Variants in UTY observed in about 807,000 individuals in gnomAD.
UTY encodes the protein histone demethylase UTY.
In UTY, 12 loss-of-function variants were observed where a neutral mutation model predicts 32.5. The observed-to-expected ratio is 0.37, with a 90% CI of 0.24 to 0.60. The LOEUF is 0.60. Ranked by LOEUF, UTY falls within the 20% of genes least tolerant of loss-of-function variation. UTY has a pLI of 0.69. For synonymous variants in UTY, 131 were observed against 103.4 expected (o/e 1.27, Z -1.62); for missense variants, 303 against 299.2 (o/e 1.01, Z -0.09).
intron 4 of UTY, among the ~76,000 whole-genome samples, chrY:13,433,158 C>T (rs979928408): frequency 2.7e-4 from 9 of 33,167 alleles, no homozygotes; most frequent in South Asian, 2.0e-3. Flanking sequence ...CTCAATGAGA[C>T]GCAAGAGAAA....
At chrY:13,433,384 T>TAATC (rs2074217794) in intron 4 of UTY, among the ~76,000 whole-genome samples, 2 of 32,845 alleles carry the variant, frequency 6.1e-5, no homozygotes, top group East Asian at 7.8e-4. Context: ...GTCTTTGAAA[T>TAATC]AATCAATCAA....
At chrY:13,245,871 T>C (rs2053942018), downstream of UTY, among the ~76,000 whole-genome samples, 1 of 34,107 alleles carries the variant, frequency 2.9e-5, no homozygotes, top group Non-Finnish European at 7.3e-5. Flanking sequence ...TCCAGTTACC[T>C]GTTTACGCAG....
chrY:13,442,371 C>A, intron 4 of UTY, among the ~76,000 whole-genome samples: 1 of 32,733 alleles, frequency 3.1e-5, no homozygotes, highest in East Asian at 8.0e-4. Context: ...ATTCAAGACT[C>A]TCCTTGTAAG....
At chrY:13,305,026 C>T (rs546041032) in intron 24 of UTY, among the ~76,000 whole-genome samples, 98 of 29,709 alleles carry the variant, frequency 3.3e-3, no homozygotes, top group African/African-American at 0.011. Flanking sequence ...AAGCGCATCA[C>T]GTTTTCAGTA....
intron 21 of UTY, among the ~76,000 whole-genome samples, chrY:13,318,565 AC>A (rs2059644839): frequency 3.0e-5 from 1 of 33,392 alleles, no homozygotes; most frequent in Non-Finnish European, 7.4e-5. Context: ...ATATAAAAAA[AC>A]AAAAAACACT....
intron 2 of UTY, among the ~76,000 whole-genome samples, chrY:13,476,787 T>C (rs2079108243): frequency 3.1e-5 from 1 of 32,127 alleles, no homozygotes; most frequent in Non-Finnish European, 7.6e-5. Context: ...AGGAAATCTA[T>C]TGTTACAACC....
intron 21 of UTY, among the ~76,000 whole-genome samples, chrY:13,313,665 T>C: frequency 3.0e-5 from 1 of 33,844 alleles, no homozygotes. Flanking sequence ...TTCCTGGCTT[T>C]TTCCCTGTAC....
At chrY:13,458,538 ATTTTTTGGCTGCATAAATGTCTTC>A in intron 3 of UTY, among the ~76,000 whole-genome samples, 1 of 33,190 alleles carries the variant, frequency 3.0e-5, no homozygotes. Flanking sequence ...TTTTTCATGC[ATTTTTTGGCTGCATAAATGTCTTC>A]TTTTGAGAAG....
chrY:13,395,792 A>G (rs2068092431), intron 7 of UTY, among the ~76,000 whole-genome samples: 1 of 31,863 alleles, frequency 3.1e-5, no homozygotes, highest in Non-Finnish European at 7.6e-5. Context: ...TCCTAATACT[A>G]TCTGAACTTA....
chrY:13,362,180 A>T, intron 10 of UTY, among the ~76,000 whole-genome samples: 1 of 33,646 alleles, frequency 3.0e-5, no homozygotes, highest in African/African-American at 1.2e-4. Context: ...CAGTCACCAA[A>T]AACTTTCCCT....
intron 4 of UTY, among the ~76,000 whole-genome samples, chrY:13,424,901 T>C: frequency 3.0e-5 from 1 of 33,710 alleles, no homozygotes; most frequent in Non-Finnish European, 7.4e-5. Flanking sequence ...AGTAATATTA[T>C]TCCAATGTAC....
At chrY:13,379,897 GGTGT>G (rs59144905) in intron 8 of UTY, among the ~76,000 whole-genome samples, 7 of 16,828 alleles carry the variant, frequency 4.2e-4, no homozygotes, top group Non-Finnish European at 6.1e-4. Context: ...AACATTAAGG[GGTGT>G]GTGTGTGTGT....
chrY:13,238,974 T>C, intron 28 of UTY, among the ~76,000 whole-genome samples: 1 of 33,720 alleles, frequency 3.0e-5, no homozygotes, highest in Admixed American at 2.7e-4. Context: ...TCTCCAGGAA[T>C]AGATCCAAAT....
At chrY:13,241,496 A>G (rs2053901138) in intron 28 of UTY, among the ~76,000 whole-genome samples, 1 of 33,395 alleles carries the variant, frequency 3.0e-5, no homozygotes, top group African/African-American at 1.2e-4. Flanking sequence ...GCAGAAGAAA[A>G]GAAATAAAGG....
chrY:13,371,183 C>T, intron 8 of UTY, among the ~76,000 whole-genome samples: 1 of 33,076 alleles, frequency 3.0e-5, no homozygotes, highest in Non-Finnish European at 7.4e-5. Context: ...CAGCTCTTCC[C>T]GTAATATCAA....
At chrY:13,356,165 T>G (rs374124003) in intron 15 of UTY, 147 bp from the exon 16 acceptor site, 5,223 of 128,455 alleles carry the variant, frequency 0.041, no homozygotes, top group Middle Eastern at 0.16. Flanking sequence ...ATTCTTTTTT[T>G]TTGTTGTTGA....
chrY:13,270,903 A>C lies in UTY; in HGVS notation c.4011-10499T>G, dbSNP rs574811115. 7.3e-4 allele frequency among the ~76,000 whole-genome samples: 24 copies of C among 32,814 alleles called. No homozygotes were observed. The South Asian group carries it at 0.017, about 23-fold the overall frequency. The allele number at this position is 32,814 out of a possible 37,273, so 88.0% of individuals were successfully genotyped here. ...GAGACTAACCTCGGCAACACAGAAA[A>C]ACCCTTTGTTTACCAAAAATAAAAA... On this transcript the variant is annotated intron_variant, in intron 27 of 29. Coordinates refer to ENST00000545955, the MANE Select transcript of UTY (RefSeq NM_001258249.2).
chrY:13,455,097 T>C, intron 3 of UTY, among the ~76,000 whole-genome samples: 1 of 32,498 alleles, frequency 3.1e-5, no homozygotes, highest in South Asian at 6.7e-4. Context: ...GATACGTTCA[T>C]ACAGATCAAG....
Position 13,360,412 on chromosome Y carries a change from T to TTA in UTY, c.965+16_965+17dup, listed in dbSNP as rs760747423. On this transcript the variant is annotated intron_variant, in intron 11 of 29. Coordinates refer to ENST00000545955, the MANE Select transcript of UTY (RefSeq NM_001258249.2). Reference sequence around the variant, plus strand: ...TGTATCAAGCGAGCTTCTACTGCTTTTATATATATAGCCTTACCCTATTGA... The same window carrying TTA: ...TGTATCAAGCGAGCTTCTACTGCTTTTATATATATATAGCCTTACCCTATTGA... 2.0e-4 allele frequency: 76 copies of TTA among 383,909 alleles called. No individual in the cohort carries two copies. Among genetic ancestry groups the TTA allele is most frequent in the Admixed American group, 1.4e-3 (18 of 12,995 alleles).
Sources: gnomAD v4.1 joint callset for allele counts (sites outside exome capture counted in the v4.1 genomes callset) on GRCh38, gnomAD v4.1.1 for gene constraint, MANE v1.5 for transcripts, NCBI Gene and HGNC (gene_info 2026-07-23, HGNC 2026-07-21) for gene names.